MLLT10: variants seen among roughly 807,000 people sequenced by gnomAD.
The protein encoded by MLLT10 is MLLT10 histone lysine methyltransferase DOT1L cofactor.
Under a neutral mutation model 129.1 loss-of-function variants are expected in MLLT10, and 30 were observed. That is an observed-to-expected ratio of 0.23 (90% CI 0.17 to 0.32). MLLT10 has a LOEUF of 0.32. MLLT10 is among the 10% of genes least tolerant of loss of function. The pLI is 1.00. For synonymous variants in MLLT10, 490 were observed against 446.4 expected, an observed-to-expected ratio of 1.10 and a Z score of -1.23; for missense variants, 1,119 against 1,268.3, an observed-to-expected ratio of 0.88 and a Z score of 1.79.
chr10:21,738,084 G>A (rs1030264773), intron 21 of MLLT10, among the ~76,000 whole-genome samples: 1 of 151,910 alleles, frequency 6.6e-6, no homozygotes, highest in Non-Finnish European at 1.5e-5. Context: ...CCTGACCAAC[G>A]TGGTGAAACC....
chr10:21,658,102 A>G (rs2049793728), intron 9 of MLLT10, among the ~76,000 whole-genome samples: 1 of 152,224 alleles, frequency 6.6e-6, no homozygotes, highest in Non-Finnish European at 1.5e-5. Context: ...TTAGGATCAT[A>G]AGGTATTCAG....
intron 11 of MLLT10, among the ~76,000 whole-genome samples, chr10:21,677,722 G>A (rs948628431): frequency 6.6e-6 from 1 of 152,162 alleles, no homozygotes; most frequent in Non-Finnish European, 1.5e-5. Flanking sequence ...GAAGACAACT[G>A]TATTATGTAT....
intron 9 of MLLT10, among the ~76,000 whole-genome samples, chr10:21,652,365 G>T (rs1482424751): frequency 6.6e-6 from 1 of 152,108 alleles, no homozygotes; most frequent in African/African-American, 2.4e-5. Flanking sequence ...TTGAATTCTG[G>T]CCTTGCCACT....
At chr10:21,558,328 G>T (rs1197456979) in intron 3 of MLLT10, among the ~76,000 whole-genome samples, 1 of 151,598 alleles carries the variant, frequency 6.6e-6, no homozygotes. Flanking sequence ...AAAATTTTAG[G>T]TTTAAGTATA....
chr10:21,563,107 T>C (rs967230928), intron 3 of MLLT10, among the ~76,000 whole-genome samples: 1 of 152,198 alleles, frequency 6.6e-6, no homozygotes, highest in Non-Finnish European at 1.5e-5. Flanking sequence ...CCCTTCCTGC[T>C]GTGCTTTTAT....
chr10:21,564,324 A>G (rs1374770830), intron 3 of MLLT10: 1 of 152,162 alleles, frequency 6.6e-6, no homozygotes, highest in Non-Finnish European at 1.5e-5. Context: ...CTTCTGAGCT[A>G]AAGCCATGCT....
At chr10:21,562,960 C>T (rs1485318915) in intron 3 of MLLT10, among the ~76,000 whole-genome samples, 2 of 151,632 alleles carry the variant, frequency 1.3e-5, no homozygotes, top group African/African-American at 4.8e-5. Flanking sequence ...GCTGGGATTA[C>T]AGGCATGTGC....
Position 21,704,416 on chromosome 10 carries a change from ATTAAT to A in MLLT10, c.1700-9352_1700-9348del, listed in dbSNP as rs554882062. Among the ~76,000 whole-genome samples the A allele has an allele frequency of 7.4e-5, 11 of 148,148 alleles. No homozygotes were observed. The South Asian group carries it at 2.3e-3, about 31-fold the overall frequency. On this transcript the variant is annotated intron_variant, in intron 13 of 22. Coordinates refer to ENST00000307729, the MANE Select transcript of MLLT10 (RefSeq NM_001195626.3). ...CTGAATTACAGAATAAAAATAAATAATTAATTTATTATTCATATTATTCATGTCCT... is the reference window on the plus strand; with the variant it reads ...CTGAATTACAGAATAAAAATAAATAATTATTATTCATATTATTCATGTCCT...
intron 8 of MLLT10, among the ~76,000 whole-genome samples, chr10:21,640,764 TAA>T (rs1219596845): frequency 6.6e-6 from 1 of 152,158 alleles, no homozygotes; most frequent in Non-Finnish European, 1.5e-5. Context: ...CATGCAGAAA[TAA>T]GAGAGACTTG....
chr10:21,570,499 T>C (rs1208598670), intron 3 of MLLT10, among the ~76,000 whole-genome samples: 2 of 152,138 alleles, frequency 1.3e-5, no homozygotes, highest in Non-Finnish European at 2.9e-5. Context: ...TTTTCTATAT[T>C]ATCTCCTGTT....
At chr10:21,633,555 G>A (rs1001714037) in intron 8 of MLLT10, among the ~76,000 whole-genome samples, 1 of 152,026 alleles carries the variant, frequency 6.6e-6, no homozygotes, top group Non-Finnish European at 1.5e-5. Context: ...AGCTGGGCAT[G>A]GTGGTATGCA....
intron 4 of MLLT10, among the ~76,000 whole-genome samples, chr10:21,587,566 T>A (rs2042106304): frequency 6.6e-6 from 1 of 152,068 alleles, no homozygotes; most frequent in South Asian, 2.1e-4. Flanking sequence ...AGCTCAGTAC[T>A]ATTCTGAAAT....
chr10:21,561,642 C>CT (rs2038822742), intron 3 of MLLT10, among the ~76,000 whole-genome samples: 2 of 152,284 alleles, frequency 1.3e-5, no homozygotes, highest in East Asian at 1.9e-4. Flanking sequence ...CACCTACATT[C>CT]TTTTGCATGT....
At chr10:21,642,830 G>A (rs759653152) in intron 8 of MLLT10, among the ~76,000 whole-genome samples, 7 of 152,154 alleles carry the variant, frequency 4.6e-5, no homozygotes, top group Non-Finnish European at 8.8e-5. Context: ...ATGAGGACAT[G>A]AGAAGGTGAT....
At chr10:21,717,933 CCTT>C (rs1333496462) in intron 14 of MLLT10, among the ~76,000 whole-genome samples, 5 of 145,860 alleles carry the variant, frequency 3.4e-5, no homozygotes, top group African/African-American at 7.9e-5. Flanking sequence ...TTCTTCTTCT[CCTT>C]CTTTTCTTCT....
intron 7 of MLLT10, among the ~76,000 whole-genome samples, chr10:21,615,313 G>A (rs1442316489): frequency 1.3e-5 from 2 of 151,410 alleles, no homozygotes; most frequent in African/African-American, 4.9e-5. Context: ...CAAAATTAGC[G>A]GGGTGTGCTG....
Position 21,732,935 on chromosome 10 carries a change from T to G in MLLT10, c.2255T>G (p.Val752Gly). The change falls in exon 18 of 23, where the codon GTT becomes GGT. Residue 752 changes from valine to glycine, a missense_variant. Physicochemically the swap from Val to Gly is moderately radical, Grantham distance 109. This residue lies in a region of MLLT10 where 1,004 missense variants were observed against 1,008.7 expected (regional missense o/e 1.00). Transcript: ENST00000307729. Reference sequence around the variant, plus strand: ...CTGAAGTCATTACACCAACTTCAAGTTGAAAACCGAAGATTAGAGGAACAA... The same window carrying G: ...CTGAAGTCATTACACCAACTTCAAGGTGAAAACCGAAGATTAGAGGAACAA... ...GMLKSLHQLQ[V>G]ENRRLEEQIK... 6.2e-7 allele frequency: 1 copy of G among 1,613,952 alleles called. No individual in the cohort carries two copies. The highest frequency in any genetic ancestry group is 8.5e-7 in the Non-Finnish European group (1 of 1,179,958).
intron 13 of MLLT10, among the ~76,000 whole-genome samples, chr10:21,692,368 C>G (rs1378284524): frequency 1.3e-5 from 2 of 151,878 alleles, no homozygotes; most frequent in Non-Finnish European, 1.5e-5. Flanking sequence ...CAGTGTCTTG[C>G]TTTGTTGCCC....
At chr10:21,538,379 T>G (rs978171862) in intron 2 of MLLT10, among the ~76,000 whole-genome samples, 14 of 152,002 alleles carry the variant, frequency 9.2e-5, no homozygotes, top group African/African-American at 3.4e-4. Flanking sequence ...GTCAGGCTGG[T>G]CTTGAACTCC....
Sources: allele counts gnomAD v4.1 joint callset (sites outside exome capture counted in the v4.1 genomes callset), GRCh38; gene constraint gnomAD v4.1.1; regional missense constraint gnomAD v4.1.1; transcripts MANE v1.5; gene names NCBI Gene and HGNC (gene_info 2026-07-23, HGNC 2026-07-21).